Variants in AGO1 observed in about 807,000 individuals in gnomAD.
The protein encoded by AGO1 is argonaute RISC component 1, also known as protein argonaute-1.
In AGO1, 11 loss-of-function variants were observed where a neutral mutation model predicts 109.2. That is an observed-to-expected ratio of 0.10 (90% CI 0.06 to 0.17). The LOEUF is 0.17. Ranked by LOEUF, AGO1 falls within the 10% of genes least tolerant of loss-of-function variation. The pLI, the probability that AGO1 is intolerant of heterozygous loss-of-function variation, is 1.00. For synonymous variants in AGO1, 422 were observed against 418.6 expected (o/e 1.01, Z -0.10); for missense variants, 574 against 1,140.3 (o/e 0.50, Z 7.15).
At chr1:35,909,973 A>G (rs991163098) in intron 12 of AGO1, among the ~76,000 whole-genome samples, 1 of 151,916 alleles carries the variant, frequency 6.6e-6, no homozygotes, top group Non-Finnish European at 1.5e-5. Context: ...GGCAGTACTT[A>G]CTCAGAATTT....
chr1:35,898,855 C>T (rs975712857), intron 8 of AGO1, among the ~76,000 whole-genome samples: 1 of 152,166 alleles, frequency 6.6e-6, no homozygotes, highest in Non-Finnish European at 1.5e-5. Context: ...GTTCAAATCA[C>T]AGTTCATTCC....
intron 17 of AGO1, 134 bp from the exon 18 acceptor site, chr1:35,918,921 C>T: frequency 1.3e-6 from 1 of 784,094 alleles, no homozygotes. Flanking sequence ...TGCTTTATGA[C>T]ATTGGTAGTT....
chr1:35,900,454 A>G (rs530508921), intron 8 of AGO1, among the ~76,000 whole-genome samples: 74 of 152,318 alleles, frequency 4.9e-4, no homozygotes, highest in South Asian at 1.9e-3. Context: ...AAGGTCAGGC[A>G]TGGTGGCTCA....
upstream of AGO1, chr1:35,883,192 G>A (rs1291960267): frequency 4.3e-6 from 5 of 1,167,934 alleles, no homozygotes; most frequent in Non-Finnish European, 4.2e-6. The surrounding 1 kb of genome is among the most constrained non-coding windows in gnomAD (Gnocchi z 5.4). Context: ...CCCTGGGCCC[G>A]GCGGTCGCGC....
chr1:35,913,871 T>C lies in AGO1; in HGVS notation c.1612T>C (p.Leu538=). ...AEVKRVGDTL[L]GMATQCVQVK... The stretch of plus-strand genomic sequence containing the variant: ...GGTGAAACGTGTCGGAGATACACTC[T>C]TGGGAATGGCTACGCAGTGTGTGCA... Residue 538 remains leucine (L), a synonymous_variant, in exon 13 of 19, where the codon TTG becomes CTG. Transcript: ENST00000373204. 6.2e-7 allele frequency: 1 copy of C among 1,614,060 alleles called. No individual in the cohort carries two copies. The highest frequency in any genetic ancestry group is 8.5e-7 in the Non-Finnish European group (1 of 1,179,998).
Position 35,892,860 on chromosome 1 carries a change from CA to C in AGO1, c.330+184del, listed in dbSNP as rs779342607. ...ATCATGTGCCTGTCCGTGTCCTAAA[CA>C]GATTGAGATTAGACTTAAAATAGAC... is the stretch of plus-strand genomic sequence containing the variant. On this transcript the variant is annotated intron_variant, in intron 3 of 18. Coordinates refer to ENST00000373204, the MANE Select transcript of AGO1 (RefSeq NM_012199.5). Among the ~76,000 whole-genome samples the C allele has an allele frequency of 1.1e-4, 16 of 152,268 alleles. No homozygotes were observed. In the Middle Eastern group the frequency reaches 0.01, roughly 97 times the overall value.
At chr1:35,910,948 C>A (rs189635708) in intron 12 of AGO1, among the ~76,000 whole-genome samples, 4 of 152,286 alleles carry the variant, frequency 2.6e-5, no homozygotes, top group Admixed American at 2.0e-4. Flanking sequence ...CGCCTGTAAT[C>A]CCAGCTACTC....
Position 35,883,558 on chromosome 1 carries a change from C to G in AGO1, c.25+112C>G. 7.2e-7 allele frequency: 1 copy of G among 1,390,846 alleles called. No homozygotes were observed. Among genetic ancestry groups the G allele is most frequent in the African/African-American group, 1.5e-5 (1 of 66,486 alleles). 86.2% of individuals were successfully genotyped at this position (1,390,846 alleles called of 1,614,324 possible). On this transcript the variant is annotated intron_variant, in intron 1 of 18. Coordinates refer to ENST00000373204, the MANE Select transcript of AGO1 (RefSeq NM_012199.5). This position sits in a 1 kb window ranked among gnomAD's most constrained non-coding sequence, Gnocchi z 5.4. ...GCTCCTGAGTGAGGAGAAGGGCTCT[C>G]CCACGATGGGGGCCCAGTTTGAAGG...
chr1:35,879,834 G>A (rs1429801630), upstream of AGO1, among the ~76,000 whole-genome samples: 4 of 151,080 alleles, frequency 2.6e-5, no homozygotes, highest in Non-Finnish European at 5.9e-5. Context: ...CTGATTATAG[G>A]TGCACTGTAC....
intron 12 of AGO1, among the ~76,000 whole-genome samples, chr1:35,909,129 T>C (rs1360816631): frequency 1.3e-5 from 2 of 152,228 alleles, no homozygotes; most frequent in African/African-American, 4.8e-5. Context: ...TAAGACTTTC[T>C]TGAATGGGTT....
chr1:35,908,882 G>T (rs987435564), intron 12 of AGO1, among the ~76,000 whole-genome samples: 3 of 147,226 alleles, frequency 2.0e-5, no homozygotes, highest in Non-Finnish European at 4.4e-5. Flanking sequence ...GCAGTGGCGT[G>T]ATCTCAGCTC....
chr1:35,876,593 A>G (rs1000768017), intron 1 of AGO1, among the ~76,000 whole-genome samples: 14 of 152,164 alleles, frequency 9.2e-5, no homozygotes, highest in African/African-American at 2.9e-4. Flanking sequence ...ATGAACAAAG[A>G]AAGTGATTTC....
intron 3 of AGO1, 98 bp downstream of exon 3, chr1:35,892,775 T>G: frequency 1.3e-6 from 2 of 1,564,984 alleles, no homozygotes; most frequent in East Asian, 4.5e-5. Flanking sequence ...TTTCATCTTT[T>G]GTGCTGAGAA....
chr1:35,902,236 C>T lies in AGO1; in HGVS notation c.1296C>T (p.Val432=), dbSNP rs763034859. 1 of 1,614,002 alleles carries T rather than the reference C, an allele frequency of 6.2e-7. No homozygotes were observed. The highest frequency in any genetic ancestry group is 1.3e-5 in the African/African-American group (1 of 74,932). ...NRAIATPNQG[V]WDMRGKQFYN... Reference sequence around the variant, plus strand: ...CCATTGCCACACCCAATCAGGGTGTCTGGGACATGCGGGGGAAACAGTTCT... The same window carrying T: ...CCATTGCCACACCCAATCAGGGTGTTTGGGACATGCGGGGGAAACAGTTCT... The change falls in exon 11 of 19, where the codon GTC becomes GTT. Residue 432 remains valine, a synonymous_variant. Transcript: ENST00000373204.
In AGO1 at chr1:35,893,048, C is replaced by G. The variant is rs756855523; in HGVS notation, c.331-49C>G. On this transcript the variant is annotated intron_variant, in intron 3 of 18. Coordinates refer to ENST00000373204, the MANE Select transcript of AGO1 (RefSeq NM_012199.5). The surrounding 1 kb of genome is among the most constrained non-coding windows in gnomAD (Gnocchi z 5.6). ...CAAATCCATGGAGTTGGGGGTCATT[C>G]TCGCAGAGCAATGGCAATCCTTCAT... The G allele has an allele frequency of 1.3e-6, 2 of 1,552,948 alleles. No homozygotes were observed. Among genetic ancestry groups the G allele is most frequent in the South Asian group, 1.2e-5 (1 of 86,130 alleles).
At position 35,888,411 on chromosome 1, in the gene AGO1, C is replaced by A. The variant is rs1442892686; in HGVS notation, c.26-16C>A. 10 of 1,612,886 alleles carry A rather than the reference C, an allele frequency of 6.2e-6. No homozygotes were observed. Among genetic ancestry groups the A allele is most frequent in the Non-Finnish European group, 8.5e-6 (10 of 1,179,394 alleles). Reference sequence around the variant, plus strand: ...GATTGCCAGACTTTACCCTCACCAGCCTCTTTGTCTTGTAGCTGCGGGCGC... The same window carrying A: ...GATTGCCAGACTTTACCCTCACCAGACTCTTTGTCTTGTAGCTGCGGGCGC... On this transcript the variant is annotated splice_polypyrimidine_tract_variant and intron_variant, in intron 1 of 18. Coordinates refer to ENST00000373204, the MANE Select transcript of AGO1 (RefSeq NM_012199.5). This position sits in a 1 kb window ranked among gnomAD's most constrained non-coding sequence, Gnocchi z 4.1.
chr1:35,893,892 C>T lies in AGO1; in HGVS notation c.649+82C>T. 1 of 1,554,178 alleles carries T rather than the reference C, an allele frequency of 6.4e-7. No individual in the cohort carries two copies. Among genetic ancestry groups the T allele is most frequent in the African/African-American group, 1.4e-5 (1 of 73,980 alleles). ...AGCCTCATCCCTCCCAGCTCTGCAA[C>T]CACACTCCTAGTCTAATTCCTACAG... is the stretch of plus-strand genomic sequence containing the variant. On this transcript the variant is annotated intron_variant, in intron 5 of 18. Coordinates refer to ENST00000373204, the MANE Select transcript of AGO1 (RefSeq NM_012199.5). This position sits in a 1 kb window ranked among gnomAD's most constrained non-coding sequence, Gnocchi z 5.6.
chr1:35,903,514 G>A (rs999620275), intron 11 of AGO1, among the ~76,000 whole-genome samples: 2 of 152,104 alleles, frequency 1.3e-5, no homozygotes, highest in South Asian at 4.1e-4. Flanking sequence ...CAAGGGTAGT[G>A]GGGAAGTATG....
At position 35,912,902 on chromosome 1, in the gene AGO1, T is replaced by G. The variant is rs574478794; in HGVS notation, c.1583-940T>G. Among the ~76,000 whole-genome samples the G allele has an allele frequency of 7.9e-5, 12 of 152,194 alleles. 1 individual carries two copies. Among genetic ancestry groups the G allele is most frequent in the Admixed American group, 7.2e-4 (11 of 15,288 alleles). On this transcript the variant is annotated intron_variant, in intron 12 of 18. Transcript: ENST00000373204. ...ATTTTTATTACAGAAGCTGGAAACT[T>G]AAAAGTTATCCATAAAAATTTTCTT...
Sources: allele counts gnomAD v4.1 joint callset (sites outside exome capture counted in the v4.1 genomes callset), GRCh38; gene constraint gnomAD v4.1.1; non-coding constraint Gnocchi (gnomAD v3.1); transcripts MANE v1.5; gene names NCBI Gene and HGNC (gene_info 2026-07-23, HGNC 2026-07-21).